Variants in TCERG1L observed in about 807,000 individuals in gnomAD.
TCERG1L encodes the protein transcription elongation regulator 1 like, also known as transcription elongation regulator 1-like protein.
A neutral mutation model predicts 56.3 loss-of-function variants in TCERG1L; 37 were observed. The observed-to-expected ratio is 0.66, with a 90% CI of 0.51 to 0.87. The LOEUF is 0.87. Ranked by LOEUF, TCERG1L falls within the 40% of genes least tolerant of loss-of-function variation. TCERG1L has a pLI of 0.00. For synonymous variants in TCERG1L, 324 were observed against 326.3 expected (o/e 0.99, Z 0.08); for missense variants, 799 against 774.2 (o/e 1.03, Z -0.38).
At chr10:131,135,698 G>A (rs1476988220) in intron 7 of TCERG1L, among the ~76,000 whole-genome samples, 1 of 152,090 alleles carries the variant, frequency 6.6e-6, no homozygotes, top group Admixed American at 6.5e-5. Flanking sequence ...CCCTGCCCAC[G>A]AGCCACAGGA....
In TCERG1L at chr10:131,311,143, C is replaced by T; in HGVS notation, c.342+151G>A. 2 of 573,834 alleles carry T rather than the reference C, an allele frequency of 3.5e-6. No homozygotes were observed. The highest frequency in any genetic ancestry group is 4.9e-6 in the Non-Finnish European group (2 of 407,918). The allele number at this position is 573,834 out of a possible 1,614,324, so 35.5% of individuals were successfully genotyped here. On this transcript the variant is annotated intron_variant, in intron 1 of 11. Coordinates refer to ENST00000368642, the MANE Select transcript of TCERG1L (RefSeq NM_174937.4). This position sits in a 1 kb window ranked among gnomAD's most constrained non-coding sequence, Gnocchi z 4.0. ...AAGCACGAACTTTCTCGCCGAGGCA[C>T]GGCTGCCGGGCTCCGTCCTGAGGGT...
chr10:131,176,073 G>A (rs1434976316), intron 4 of TCERG1L, among the ~76,000 whole-genome samples: 1 of 152,142 alleles, frequency 6.6e-6, no homozygotes, highest in Non-Finnish European at 1.5e-5. Context: ...TCGCTTCGTC[G>A]AGCCCTCCGG....
At chr10:131,185,735 A>G (rs574726473) in intron 4 of TCERG1L, among the ~76,000 whole-genome samples, 2 of 152,216 alleles carry the variant, frequency 1.3e-5, no homozygotes, top group Admixed American at 1.3e-4. Context: ...ATAAAGGAAA[A>G]TAACAAGTAT....
chr10:131,168,900 C>T (rs191817864), intron 4 of TCERG1L, among the ~76,000 whole-genome samples: 5 of 152,370 alleles, frequency 3.3e-5, no homozygotes, highest in Admixed American at 6.5e-5. Context: ...CCCCAAGAGA[C>T]GCCCTCAGGC....
chr10:131,168,861 A>G (rs907479205), intron 4 of TCERG1L, among the ~76,000 whole-genome samples: 1 of 152,094 alleles, frequency 6.6e-6, no homozygotes, highest in African/African-American at 2.4e-5. Flanking sequence ...GCCAAGGCCG[A>G]CCACAGGGCT....
chr10:131,184,577 G>C lies in TCERG1L; in HGVS notation c.857-17692C>G, dbSNP rs1845216595. On this transcript the variant is annotated intron_variant, in intron 4 of 11. Coordinates refer to ENST00000368642, the MANE Select transcript of TCERG1L (RefSeq NM_174937.4). Reference sequence around the variant, plus strand: ...CGAGGGATCCCACTACCAAGTAGTTGGCTCCTGGCACATCCAACCTCAGGT... The same window carrying C: ...CGAGGGATCCCACTACCAAGTAGTTCGCTCCTGGCACATCCAACCTCAGGT... 2.0e-5 allele frequency among the ~76,000 whole-genome samples: 3 copies of C among 152,222 alleles called. No individual in the cohort carries two copies. The South Asian group carries it at 6.2e-4, about 32-fold the overall frequency.
At chr10:131,105,326 CT>C (rs1279212720) in intron 9 of TCERG1L, among the ~76,000 whole-genome samples, 4 of 152,218 alleles carry the variant, frequency 2.6e-5, no homozygotes, top group African/African-American at 9.6e-5. Context: ...TGAAGTCCCC[CT>C]CTCCATGCTG....
Position 131,248,216 on chromosome 10 carries a change from TCACACACAACTCACA to T in TCERG1L, c.856+12028_856+12042del, listed in dbSNP as rs796255374. Among the ~76,000 whole-genome samples the T allele has an allele frequency of 7.0e-3, 1,015 of 144,774 alleles. 11 individuals carry two copies. The highest frequency in any genetic ancestry group is 0.026 in the African/African-American group (976 of 37,944). The allele number at this position is 144,774 out of a possible 152,430, so 95.0% of individuals were successfully genotyped here. A position where few individuals can be genotyped will look rare whatever the true frequency, so the allele number is the denominator to read the frequency against. On this transcript the variant is annotated intron_variant, in intron 4 of 11. Transcript: ENST00000368642. ...CACACACTACTCACACACAACTCTC[TCACACACAACTCACA>T]CACACACGACTCACACACACTGATA...
chr10:131,179,183 C>A (rs1296760514), intron 4 of TCERG1L, among the ~76,000 whole-genome samples: 1 of 152,220 alleles, frequency 6.6e-6, no homozygotes, highest in East Asian at 1.9e-4. Context: ...CCCACCCCAG[C>A]AAACTAACAG....
In TCERG1L at chr10:131,266,593, G is replaced by A. The variant is rs192621355; in HGVS notation, c.671-6149C>T. Among the ~76,000 whole-genome samples, 11 of 152,290 alleles carry A rather than the reference G, an allele frequency of 7.2e-5. No individual in the cohort carries two copies. The East Asian group carries it at 2.1e-3, about 29-fold the overall frequency. On this transcript the variant is annotated intron_variant, in intron 3 of 11. Coordinates refer to ENST00000368642, the MANE Select transcript of TCERG1L (RefSeq NM_174937.4). ...AAGTGGAGGGTGAGCAAGACAAAGA[G>A]GAGCTTTATTAAGTGTTAGAACAGC...
intron 3 of TCERG1L, among the ~76,000 whole-genome samples, chr10:131,294,211 G>A (rs561631696): frequency 3.2e-4 from 48 of 152,248 alleles, no homozygotes; most frequent in African/African-American, 1.1e-3. Context: ...AGAGGCTTTG[G>A]AATGCAACAG....
In TCERG1L at chr10:131,103,387, T is replaced by C. The variant is rs1403331376; in HGVS notation, c.1485+878A>G. On this transcript the variant is annotated intron_variant, in intron 10 of 11. Coordinates refer to ENST00000368642, the MANE Select transcript of TCERG1L (RefSeq NM_174937.4). This position sits in a 1 kb window ranked among gnomAD's most constrained non-coding sequence, Gnocchi z 4.3. ...GCAGGTGTCCTTGCAGAAGTGCTTT[T>C]TGTGTGTATAAGGTTGTGATGAGCC... Among the ~76,000 whole-genome samples, 2 of 152,130 alleles carry C rather than the reference T, an allele frequency of 1.3e-5. No individual in the cohort carries two copies. The highest frequency in any genetic ancestry group is 2.9e-5 in the Non-Finnish European group (2 of 68,032).
At chr10:131,303,492 ATTTG>A (rs1387967439) in intron 3 of TCERG1L, among the ~76,000 whole-genome samples, 4 of 151,988 alleles carry the variant, frequency 2.6e-5, no homozygotes, top group Non-Finnish European at 4.4e-5. Context: ...TTTCTTGCAG[ATTTG>A]TTTAAGTTCT....
intron 3 of TCERG1L, 68 bp downstream of exon 3, chr10:131,308,143 T>G: frequency 7.2e-7 from 1 of 1,383,138 alleles, no homozygotes; most frequent in Non-Finnish European, 9.8e-7. Context: ...ATGGTTTTCA[T>G]ATCTAAAACT....
chr10:131,237,463 G>A (rs1318420142), intron 4 of TCERG1L, among the ~76,000 whole-genome samples: 1 of 152,226 alleles, frequency 6.6e-6, no homozygotes, highest in Non-Finnish European at 1.5e-5. Context: ...CTGGGACTCA[G>A]TAGGCATGAG....
intron 3 of TCERG1L, among the ~76,000 whole-genome samples, chr10:131,287,133 G>A (rs1306367930): frequency 6.6e-6 from 1 of 152,148 alleles, no homozygotes; most frequent in African/African-American, 2.4e-5. Context: ...TGTGATGTTA[G>A]CATTATATTT....
intron 4 of TCERG1L, among the ~76,000 whole-genome samples, chr10:131,184,610 G>C (rs190121791): frequency 2.0e-5 from 3 of 152,352 alleles, no homozygotes; most frequent in African/African-American, 7.2e-5. Context: ...GGTAGAAAAT[G>C]CGTCTCCAGC....
chr10:131,117,258 C>T (rs1269309160), intron 8 of TCERG1L, among the ~76,000 whole-genome samples: 1 of 152,200 alleles, frequency 6.6e-6, no homozygotes, highest in African/African-American at 2.4e-5. Context: ...CACTCCAGGT[C>T]CTCATACTGC....
At chr10:131,199,794 G>A (rs1845410591) in intron 4 of TCERG1L, among the ~76,000 whole-genome samples, 1 of 152,156 alleles carries the variant, frequency 6.6e-6, no homozygotes, top group South Asian at 2.1e-4. Flanking sequence ...TGCCCCTCCT[G>A]TAAACAGTGG....
Sources: gnomAD v4.1 joint callset for allele counts (sites outside exome capture counted in the v4.1 genomes callset) on GRCh38, gnomAD v4.1.1 for gene constraint, Gnocchi (gnomAD v3.1) non-coding constraint, MANE v1.5 for transcripts, NCBI Gene and HGNC (gene_info 2026-07-23, HGNC 2026-07-21) for gene names.